The following RBFOX1 variants were observed in gnomAD, a reference collection of about 807,000 sequenced individuals.
The protein encoded by RBFOX1 is RNA binding fox-1 homolog 1, also known as RNA binding protein fox-1 homolog 1.
In RBFOX1, 8 loss-of-function variants were observed where a neutral mutation model predicts 57.7. The ratio of observed to expected loss-of-function variants is 0.14; its 90% CI spans 0.08 to 0.25. The LOEUF is 0.25. Among genes scored for constraint, RBFOX1 ranks in the 10% least tolerant of loss-of-function variants. The pLI is 1.00. For missense variants in RBFOX1, 611 were observed against 548.5 expected, an observed-to-expected ratio of 1.11 and a Z score of -1.14; for synonymous variants, 326 against 222.4, an observed-to-expected ratio of 1.47 and a Z score of -4.15.
At chr16:6,131,454 T>C (rs903463329) in intron 1 of RBFOX1, among the ~76,000 whole-genome samples, 1 of 152,210 alleles carries the variant, frequency 6.6e-6, no homozygotes, top group Non-Finnish European at 1.5e-5. Context: ...GAAAGCTTAC[T>C]ACCCCTTGCT....
chr16:7,091,557 T>G (rs1044909543), intron 4 of RBFOX1, among the ~76,000 whole-genome samples: 1 of 152,024 alleles, frequency 6.6e-6, no homozygotes, highest in South Asian at 2.1e-4. Flanking sequence ...CGAAAATGCA[T>G]CATTTTTTCT....
chr16:5,813,392 T>C (rs544213668), intron 3 of RBFOX1, among the ~76,000 whole-genome samples: 6 of 152,314 alleles, frequency 3.9e-5, no homozygotes, highest in Admixed American at 2.6e-4. Flanking sequence ...TAAGCATTCA[T>C]ACCCATTCCT....
chr16:5,577,678 CTG>C (rs1193450873), intron 2 of RBFOX1, among the ~76,000 whole-genome samples: 22 of 152,306 alleles, frequency 1.4e-4, no homozygotes, highest in Admixed American at 2.0e-4. Flanking sequence ...AAGGCAGTGA[CTG>C]TGCTGTACAT....
intron 4 of RBFOX1, among the ~76,000 whole-genome samples, chr16:7,218,628 CTGTGTGTGTG>C (rs60333818): frequency 0.06 from 7,630 of 127,440 alleles, 266 homozygotes; most frequent in Admixed American, 0.073. Flanking sequence ...TGGGGGTTTG[CTGTGTGTGTG>C]TGTGTGTGTG....
chr16:7,011,599 C>T (rs13332794), intron 3 of RBFOX1, among the ~76,000 whole-genome samples: 9,388 of 152,072 alleles, frequency 0.062, 644 homozygotes, highest in African/African-American at 0.16. Flanking sequence ...CTGCAAGCTC[C>T]GCATCCCGGG....
chr16:7,263,584 T>C lies in RBFOX1; in HGVS notation c.27+211486T>C, dbSNP rs564916160. ...CACAGCTCCATAATAAAAGGATGGC[T>C]GAGCTAAAAGGGGTGATAAGAGGTA... On this transcript the variant is annotated intron_variant, in intron 4 of 15. Coordinates refer to ENST00000550418, the MANE Select transcript of RBFOX1 (RefSeq NM_018723.4). Among the ~76,000 whole-genome samples, 13 of 152,100 alleles carry C rather than the reference T, an allele frequency of 8.5e-5. 1 individual carries two copies. Among genetic ancestry groups the C allele is most frequent in the Middle Eastern group, 6.8e-3 (2 of 294 alleles).
rs561927782 is a variant in RBFOX1, at chr16:7,342,697, G to C, written c.28-175450G>C. Among the ~76,000 whole-genome samples the C allele has an allele frequency of 1.3e-4, 20 of 152,240 alleles. No homozygotes were observed. In the South Asian group the frequency reaches 4.1e-3, roughly 32 times the overall value. On this transcript the variant is annotated intron_variant, in intron 4 of 15. Transcript: ENST00000550418. ...ATACAACTGGGGAGGTGGCGAAGGA[G>C]AGGGAGAGATGCCACCATGGAGTTT...
chr16:5,548,256 G>C (rs2045316611), intron 2 of RBFOX1, among the ~76,000 whole-genome samples: 1 of 146,674 alleles, frequency 6.8e-6, no homozygotes, highest in South Asian at 2.1e-4. Flanking sequence ...GGAAGAGTGG[G>C]AAAACTAACT....
rs540770799 is a variant in RBFOX1 at position 7,507,470 on chromosome 16, T to C, written c.28-10677T>C. Among the ~76,000 whole-genome samples the C allele has an allele frequency of 9.2e-5, 14 of 152,218 alleles. No individual in the cohort carries two copies. In the East Asian group the frequency reaches 2.3e-3, roughly 25 times the overall value. ...GTATCAGAACTATCTGGGGCAACTT[T>C]TGACAGTGCCCATCCCTGGATCCCA... On this transcript the variant is annotated intron_variant, in intron 4 of 15. Coordinates refer to ENST00000550418, the MANE Select transcript of RBFOX1 (RefSeq NM_018723.4).
intron 1 of RBFOX1, among the ~76,000 whole-genome samples, chr16:6,057,826 T>G (rs954536368): frequency 3.7e-4 from 7 of 19,068 alleles, no homozygotes; most frequent in African/African-American, 1.6e-3. Context: ...TTGCTATGGG[T>G]TTTTTTTTTT....
At chr16:5,679,604 T>C (rs1164389142) in intron 3 of RBFOX1, among the ~76,000 whole-genome samples, 1 of 152,182 alleles carries the variant, frequency 6.6e-6, no homozygotes, top group Non-Finnish European at 1.5e-5. Flanking sequence ...ACATGCAGTG[T>C]CTGGTTTTCT....
chr16:5,778,960 C>A (rs59325877), intron 3 of RBFOX1, among the ~76,000 whole-genome samples: 1 of 152,066 alleles, frequency 6.6e-6, no homozygotes, highest in African/African-American at 2.4e-5. Context: ...TCATTAAGCC[C>A]CTCATCCATT....
At chr16:7,700,575 A>C (rs894593452) in intron 14 of RBFOX1, among the ~76,000 whole-genome samples, 10 of 152,194 alleles carry the variant, frequency 6.6e-5, no homozygotes, top group African/African-American at 2.4e-4. Context: ...AAGCACAATA[A>C]AAATTCTTAG....
At chr16:5,703,113 A>G (rs763918590) in intron 3 of RBFOX1, among the ~76,000 whole-genome samples, 1 of 152,176 alleles carries the variant, frequency 6.6e-6, no homozygotes, top group Admixed American at 6.5e-5. Flanking sequence ...CTTTGCCCAC[A>G]TGGCATTTAC....
At chr16:6,450,777 A>ATACACATATATATG (rs1555480496) in intron 2 of RBFOX1, among the ~76,000 whole-genome samples, 2 of 39,526 alleles carry the variant, frequency 5.1e-5, no homozygotes, top group African/African-American at 2.5e-4. Flanking sequence ...GTATATATAT[A>ATACACATATATATG]TATATATATA....
At chr16:7,608,775 G>A (rs998688990) in intron 10 of RBFOX1, among the ~76,000 whole-genome samples, 6 of 152,224 alleles carry the variant, frequency 3.9e-5, no homozygotes, top group African/African-American at 1.2e-4. Flanking sequence ...AATATATGAA[G>A]AGTGGTGTGT....
At chr16:6,866,997 G>A (rs2060049657) in intron 3 of RBFOX1, among the ~76,000 whole-genome samples, 1 of 139,266 alleles carries the variant, frequency 7.2e-6, no homozygotes, top group Non-Finnish European at 1.5e-5. Context: ...TCTAGTCAGA[G>A]TCTGTGTTAG....
At chr16:5,485,585 A>G (rs867356772) in intron 2 of RBFOX1, among the ~76,000 whole-genome samples, 2 of 152,192 alleles carry the variant, frequency 1.3e-5, no homozygotes, top group Non-Finnish European at 2.9e-5. Flanking sequence ...TTTATTCCGC[A>G]TTATACCTCA....
intron 3 of RBFOX1, among the ~76,000 whole-genome samples, chr16:6,796,820 C>G (rs150669154): frequency 6.6e-6 from 1 of 152,122 alleles, no homozygotes; most frequent in Non-Finnish European, 1.5e-5. Flanking sequence ...TACATTGTTT[C>G]TTTGATAAAT....
Sources: gnomAD v4.1 joint callset for allele counts (sites outside exome capture counted in the v4.1 genomes callset) on GRCh38, gnomAD v4.1.1 for gene constraint, MANE v1.5 for transcripts, NCBI Gene and HGNC (gene_info 2026-07-23, HGNC 2026-07-21) for gene names.